Variants in TULP4 observed in about 807,000 individuals in gnomAD.
The protein encoded by TULP4 is TUB like protein 4.
TULP4 carries 16 observed loss-of-function variants against 129.0 expected under a neutral mutation model. The observed-to-expected ratio is 0.12, with a 90% CI of 0.08 to 0.19. The LOEUF (loss-of-function observed/expected upper bound fraction) is 0.19, where lower values mean the gene tolerates loss of function less well. TULP4 is among the 10% of genes least tolerant of loss of function. The pLI, the probability that TULP4 is intolerant of heterozygous loss-of-function variation, is 1.00. For missense variants in TULP4, 1,842 were observed against 2,059.1 expected (o/e 0.89, Z 2.04); for synonymous variants, 998 against 854.0 (o/e 1.17, Z -2.94).
At chr6:158,504,395 G>A (rs1439345513) in intron 13 of TULP4, among the ~76,000 whole-genome samples, 6 of 151,888 alleles carry the variant, frequency 4.0e-5, no homozygotes, top group Admixed American at 2.6e-4. Flanking sequence ...GGCCCAGGCT[G>A]GAGTGCAGTG....
At chr6:158,306,631 T>G (rs1779220680) in intron 1 of TULP4, among the ~76,000 whole-genome samples, 1 of 152,218 alleles carries the variant, frequency 6.6e-6, no homozygotes, top group Non-Finnish European at 1.5e-5. Flanking sequence ...TTTTGAACTT[T>G]ATTGTTTCAG....
chr6:158,239,050 C>G (rs1173226011), intron 1 of TULP4, among the ~76,000 whole-genome samples: 2 of 130,284 alleles, frequency 1.5e-5, no homozygotes, highest in Non-Finnish European at 3.5e-5. Flanking sequence ...GCTGGCCGGG[C>G]GGGGGGCTGA....
chr6:158,453,876 C>T (rs1237430592), intron 5 of TULP4, among the ~76,000 whole-genome samples: 1 of 151,856 alleles, frequency 6.6e-6, no homozygotes, highest in Non-Finnish European at 1.5e-5. Flanking sequence ...TCGCTTGAAC[C>T]TGGGAGGCGG....
chr6:158,262,907 C>G (rs1183872887), intron 1 of TULP4, among the ~76,000 whole-genome samples: 2 of 72,590 alleles, frequency 2.8e-5, no homozygotes, highest in Non-Finnish European at 7.4e-5. Context: ...AGATGTAGCT[C>G]TAACTAGCCA....
In TULP4 at chr6:158,493,863, AG is replaced by A; in HGVS notation, c.1776+148del. ...CATCCTGCACACCACCTACTACCTCAGGAGTAGCCCTCAGGTGGAGCTCTGG... is the reference window on the plus strand; with the variant it reads ...CATCCTGCACACCACCTACTACCTCAGAGTAGCCCTCAGGTGGAGCTCTGG... On this transcript the variant is annotated intron_variant, in intron 10 of 13. Transcript: ENST00000367097. The surrounding 1 kb of genome is among the most constrained non-coding windows in gnomAD (Gnocchi z 4.4). The A allele has an allele frequency of 6.7e-6, 6 of 891,376 alleles. No homozygotes were observed. Among genetic ancestry groups the A allele is most frequent in the East Asian group, 3.2e-5 (1 of 31,104 alleles). The allele number at this position is 891,376 out of a possible 1,614,324, so 55.2% of individuals were successfully genotyped here. A position where few individuals can be genotyped will look rare whatever the true frequency, so the allele number is the denominator to read the frequency against.
In TULP4 at chr6:158,481,140, G is replaced by A. The variant is rs753219213; in HGVS notation, c.1337G>A (p.Arg446His). 6.2e-6 allele frequency: 10 copies of A among 1,613,628 alleles called. No homozygotes were observed. The East Asian group carries it at 6.7e-5, about 11-fold the overall frequency. Reference protein sequence around the residue: ...GNERLHCTMKRTEDDPEVGGP... With the variant: ...GNERLHCTMKHTEDDPEVGGP... ...GAGCGGCTGCACTGCACCATGAAGC[G>A]CACAGAGGACGACCCGGAGGTGGGC... Residue 446 changes from arginine to histidine, a missense_variant, in exon 8 of 14, where the codon CGC becomes CAC. Arg to His is a conservative substitution (Grantham distance 29). Coordinates refer to ENST00000367097, the MANE Select transcript of TULP4 (RefSeq NM_020245.5).
At chr6:158,455,909 GATT>G in intron 5 of TULP4, among the ~76,000 whole-genome samples, 1 of 152,252 alleles carries the variant, frequency 6.6e-6, no homozygotes, top group South Asian at 2.1e-4. Flanking sequence ...ACAGTAGACA[GATT>G]AACAGGAGAA....
chr6:158,492,971 T>A (rs962057629), intron 9 of TULP4, among the ~76,000 whole-genome samples: 7 of 152,190 alleles, frequency 4.6e-5, no homozygotes, highest in African/African-American at 1.7e-4. Flanking sequence ...CTAGATAAAT[T>A]TGTTGAAATT....
Position 158,506,756 on chromosome 6 carries a change from C to CAGACCCCT in TULP4, c.*65_*66insCCCCTAGA, listed in dbSNP as rs1282893757. 4 of 1,184,992 alleles carry CAGACCCCT rather than the reference C, an allele frequency of 3.4e-6. No individual in the cohort carries two copies. In the Admixed American group the frequency reaches 6.8e-5, roughly 20 times the overall value. 73.4% of individuals were successfully genotyped at this position (1,184,992 alleles called of 1,614,324 possible). ...CTTTGGAAGAGGTCTTCGGAGATGCCAGAGGAGCCCTCTAGGGGTCCGATG... is the reference window on the plus strand; with the variant it reads ...CTTTGGAAGAGGTCTTCGGAGATGCCAGACCCCTAGAGGAGCCCTCTAGGGGTCCGATG... On this transcript the variant is annotated 3_prime_UTR_variant, in exon 14 of 14. Coordinates refer to ENST00000367097, the MANE Select transcript of TULP4 (RefSeq NM_020245.5).
chr6:158,272,728 C>T (rs1213577197), intron 1 of TULP4, among the ~76,000 whole-genome samples: 2 of 152,204 alleles, frequency 1.3e-5, no homozygotes, highest in African/African-American at 4.8e-5. Context: ...TGTCAGCCTC[C>T]TGAGTTCCCC....
At chr6:158,453,743 C>G (rs1191809006) in intron 5 of TULP4, among the ~76,000 whole-genome samples, 1 of 143,302 alleles carries the variant, frequency 7.0e-6, no homozygotes, top group African/African-American at 2.7e-5. Flanking sequence ...GAGCTGAGAT[C>G]AAGCCACTGC....
At chr6:158,482,938 G>A (rs934894141) in intron 8 of TULP4, among the ~76,000 whole-genome samples, 13 of 152,144 alleles carry the variant, frequency 8.5e-5, no homozygotes, top group African/African-American at 2.7e-4. Context: ...TTATCAGCTC[G>A]TATCAAACAC....
At chr6:158,344,256 C>T (rs920064715) in intron 1 of TULP4, among the ~76,000 whole-genome samples, 23 of 152,168 alleles carry the variant, frequency 1.5e-4, no homozygotes, top group Admixed American at 1.3e-3. Flanking sequence ...ACTCTTTTTT[C>T]GGACTCAGCC....
At chr6:158,343,155 C>CT (rs1205542324) in intron 1 of TULP4, among the ~76,000 whole-genome samples, 8 of 151,954 alleles carry the variant, frequency 5.3e-5, no homozygotes, top group African/African-American at 1.9e-4. Context: ...CGCCTGGGCT[C>CT]TGTATGTTCT....
intron 1 of TULP4, among the ~76,000 whole-genome samples, chr6:158,272,956 G>T (rs1778576036): frequency 6.6e-6 from 1 of 152,196 alleles, no homozygotes. Flanking sequence ...GAGATCTCAT[G>T]ACCTGGCTTT....
intron 1 of TULP4, among the ~76,000 whole-genome samples, chr6:158,326,799 A>G (rs552452917): frequency 3.5e-4 from 53 of 152,200 alleles, no homozygotes; most frequent in African/African-American, 7.7e-4. Flanking sequence ...TATATTATCT[A>G]ATTTATCTTT....
In TULP4 at chr6:158,507,051, G is replaced by A. The variant is rs1780621847; in HGVS notation, c.*357G>A. 2 of 233,448 alleles carry A rather than the reference G, an allele frequency of 8.6e-6. No homozygotes were observed. The highest frequency in any genetic ancestry group is 1.3e-4 in the South Asian group (2 of 15,848). The allele number at this position is 233,448 out of a possible 1,614,324, so 14.5% of individuals were successfully genotyped here. Reference sequence around the variant, plus strand: ...AGAGCCTGCTATTCTTTTAGACATAGGGAGGATGCATTATCCTGTATTCTC... The same window carrying A: ...AGAGCCTGCTATTCTTTTAGACATAAGGAGGATGCATTATCCTGTATTCTC... On this transcript the variant is annotated 3_prime_UTR_variant, in exon 14 of 14. Transcript: ENST00000367097.
At chr6:158,470,733 C>T (rs1779662036) in intron 6 of TULP4, among the ~76,000 whole-genome samples, 1 of 152,190 alleles carries the variant, frequency 6.6e-6, no homozygotes, top group African/African-American at 2.4e-5. Flanking sequence ...AAAATGGTCT[C>T]ACTAGAATGG....
chr6:158,253,937 C>T (rs1178047044), intron 1 of TULP4, among the ~76,000 whole-genome samples: 1 of 151,986 alleles, frequency 6.6e-6, no homozygotes, highest in African/African-American at 2.4e-5. Flanking sequence ...ACTCGGAAGG[C>T]TGAGGCAGGG....
Sources: gnomAD v4.1 joint callset for allele counts (sites outside exome capture counted in the v4.1 genomes callset) on GRCh38, gnomAD v4.1.1 for gene constraint, Gnocchi (gnomAD v3.1) non-coding constraint, MANE v1.5 for transcripts, NCBI Gene and HGNC (gene_info 2026-07-23, HGNC 2026-07-21) for gene names.